Variants in ASIC2 observed in about 807,000 individuals in gnomAD.
ASIC2 encodes the protein acid-sensing ion channel 2.
Under a neutral mutation model 57.3 loss-of-function variants are expected in ASIC2, and 25 were observed. The observed-to-expected ratio is 0.44, with a 90% CI of 0.32 to 0.61. ASIC2 has a LOEUF of 0.61. Ranked by LOEUF, ASIC2 falls within the 20% of genes least tolerant of loss-of-function variation. The probability of loss-of-function intolerance (pLI) is 0.06; values close to 1 mark genes in which losing one functional copy is unlikely to be tolerated. For synonymous variants in ASIC2, 319 were observed against 307.5 expected (o/e 1.04, Z -0.39); for missense variants, 641 against 738.1 (o/e 0.87, Z 1.52).
chr17:33,934,401 CA>C (rs1280506358), intron 1 of ASIC2, among the ~76,000 whole-genome samples: 11 of 152,120 alleles, frequency 7.2e-5, no homozygotes, highest in African/African-American at 2.7e-4. Flanking sequence ...GGTATGATGC[CA>C]CACCTTGAGG....
At chr17:33,723,687 G>A (rs1392091931) in intron 1 of ASIC2, among the ~76,000 whole-genome samples, 2 of 152,178 alleles carry the variant, frequency 1.3e-5, no homozygotes, top group Non-Finnish European at 2.9e-5. Context: ...AGAGATTAAA[G>A]TCAGAGTAAT....
At chr17:33,613,310 A>T (rs1396053187) in intron 1 of ASIC2, among the ~76,000 whole-genome samples, 1 of 151,934 alleles carries the variant, frequency 6.6e-6, no homozygotes, top group Non-Finnish European at 1.5e-5. Context: ...AAAACTGGAT[A>T]CTTTAAACAG....
intron 1 of ASIC2, among the ~76,000 whole-genome samples, chr17:33,237,290 G>T (rs1908327868): frequency 6.6e-6 from 1 of 152,154 alleles, no homozygotes; most frequent in African/African-American, 2.4e-5. Context: ...CCACAGCAGG[G>T]TTTGTGGTGG....
chr17:34,063,560 G>C (rs1024772660), intron 1 of ASIC2, among the ~76,000 whole-genome samples: 1 of 152,130 alleles, frequency 6.6e-6, no homozygotes, highest in Non-Finnish European at 1.5e-5. Context: ...ATCCAAATCA[G>C]TAAAGAGGAA....
At chr17:34,072,796 A>G (rs1157453428) in intron 1 of ASIC2, among the ~76,000 whole-genome samples, 2 of 152,222 alleles carry the variant, frequency 1.3e-5, no homozygotes, top group Admixed American at 1.3e-4. Context: ...TTACATAGCA[A>G]TACATCATAG....
At chr17:33,904,493 C>G (rs113835868) in intron 1 of ASIC2, among the ~76,000 whole-genome samples, 43 of 152,314 alleles carry the variant, frequency 2.8e-4, no homozygotes, top group African/African-American at 9.6e-4. Flanking sequence ...TTCAAATGTT[C>G]TGAGGCAGAG....
intron 1 of ASIC2, among the ~76,000 whole-genome samples, chr17:33,242,881 C>T (rs319755): frequency 6.6e-6 from 1 of 151,980 alleles, no homozygotes; most frequent in African/African-American, 2.4e-5. Flanking sequence ...AGATCTGGAT[C>T]GAGAGGTGAT....
intron 1 of ASIC2, among the ~76,000 whole-genome samples, chr17:34,045,033 T>C (rs1269551874): frequency 6.6e-6 from 1 of 152,144 alleles, no homozygotes; most frequent in Non-Finnish European, 1.5e-5. Context: ...CTAGGTGTGG[T>C]GAGTCCTTCC....
At chr17:33,743,410 C>A (rs1368172993) in intron 1 of ASIC2, among the ~76,000 whole-genome samples, 1 of 152,198 alleles carries the variant, frequency 6.6e-6, no homozygotes, top group Non-Finnish European at 1.5e-5. Context: ...CCTCAGTTCC[C>A]AAGCTAGGGT....
chr17:34,099,601 AAG>A lies in ASIC2; in HGVS notation c.555+56375_555+56376del, dbSNP rs1428934110. Among the ~76,000 whole-genome samples, 91 of 149,712 alleles carry A rather than the reference AAG, an allele frequency of 6.1e-4. 2 individuals are homozygous for A. Among genetic ancestry groups the A allele is most frequent in the Middle Eastern group, 3.4e-3 (1 of 294 alleles). ...AAGAAGGAAGGAAAGAAAGAGAAAA[AAG>A]AGAGAAAGAGGAAAGAAAGAAAAAG... On this transcript the variant is annotated intron_variant, in intron 1 of 9. Coordinates refer to the ASIC2 transcript ENST00000359872.
chr17:34,011,545 A>G (rs1402815796), intron 1 of ASIC2, among the ~76,000 whole-genome samples: 1 of 151,766 alleles, frequency 6.6e-6, no homozygotes, highest in Non-Finnish European at 1.5e-5. Context: ...GAAATCCTCC[A>G]TTCCCCGCCC....
intron 1 of ASIC2, among the ~76,000 whole-genome samples, chr17:33,290,495 C>T (rs1905376085): frequency 6.6e-6 from 1 of 152,258 alleles, no homozygotes; most frequent in Admixed American, 6.5e-5. Flanking sequence ...CTGCACAAGG[C>T]AGATACCTTC....
chr17:33,364,689 G>A (rs1908738650), intron 1 of ASIC2, among the ~76,000 whole-genome samples: 2 of 152,110 alleles, frequency 1.3e-5, no homozygotes, highest in Admixed American at 1.3e-4. Context: ...CATGCTTCCA[G>A]TACAGCCTGT....
At chr17:33,650,549 C>T (rs1441870840) in intron 1 of ASIC2, among the ~76,000 whole-genome samples, 3 of 152,148 alleles carry the variant, frequency 2.0e-5, no homozygotes, top group Admixed American at 2.0e-4. Flanking sequence ...CAGCTTTATT[C>T]GTAATAGCGA....
intron 1 of ASIC2, among the ~76,000 whole-genome samples, chr17:33,749,333 C>T (rs1910360434): frequency 6.6e-6 from 1 of 151,854 alleles, no homozygotes; most frequent in Non-Finnish European, 1.5e-5. Context: ...GGACTCACTT[C>T]CTCTACTGGG....
At chr17:33,380,470 AAAC>A (rs1268017145) in intron 1 of ASIC2, among the ~76,000 whole-genome samples, 1 of 152,122 alleles carries the variant, frequency 6.6e-6, no homozygotes, top group South Asian at 2.1e-4. Flanking sequence ...GCAGGAGAAA[AAAC>A]AACAAGGTCA....
chr17:33,135,482 G>A (rs1351493521), intron 1 of ASIC2, among the ~76,000 whole-genome samples: 1 of 152,154 alleles, frequency 6.6e-6, no homozygotes, highest in African/African-American at 2.4e-5. Context: ...GCTCCCAGAG[G>A]GCAAAAATTT....
At chr17:33,799,752 A>C (rs1210027881) in intron 1 of ASIC2, among the ~76,000 whole-genome samples, 1 of 151,964 alleles carries the variant, frequency 6.6e-6, no homozygotes, top group Admixed American at 6.6e-5. Context: ...CAGGGTGACT[A>C]TAGCTACCAT....
intron 1 of ASIC2, among the ~76,000 whole-genome samples, chr17:33,572,984 T>C (rs1014841427): frequency 1.3e-5 from 2 of 152,240 alleles, no homozygotes; most frequent in Non-Finnish European, 2.9e-5. Flanking sequence ...GAGTTGACTA[T>C]GAAATGAACA....
Sources: allele counts gnomAD v4.1 joint callset (sites outside exome capture counted in the v4.1 genomes callset), GRCh38; gene constraint gnomAD v4.1.1; transcripts MANE v1.5; gene names NCBI Gene and HGNC (gene_info 2026-07-23, HGNC 2026-07-21).